The following PRKAG2 variants were observed in gnomAD, a reference collection of about 807,000 sequenced individuals.
PRKAG2 encodes 5'-AMP-activated protein kinase subunit gamma-2.
Under a neutral mutation model 69.6 loss-of-function variants are expected in PRKAG2, and 26 were observed. That is an observed-to-expected ratio of 0.37 (90% CI 0.27 to 0.52). The LOEUF is 0.52. Among genes scored for constraint, PRKAG2 ranks in the 20% least tolerant of loss-of-function variants. PRKAG2 has a pLI of 0.90. For missense variants in PRKAG2, 557 were observed against 740.0 expected, an observed-to-expected ratio of 0.75 and a Z score of 2.87; for synonymous variants, 293 against 285.0, an observed-to-expected ratio of 1.03 and a Z score of -0.28.
intron 3 of PRKAG2, among the ~76,000 whole-genome samples, chr7:151,689,245 G>A (rs1459291737): frequency 1.3e-5 from 2 of 152,160 alleles, no homozygotes; most frequent in East Asian, 3.9e-4. Context: ...GGGGGCTCCA[G>A]TGGCCTCCCA....
chr7:151,670,152 C>T (rs142090203), intron 4 of PRKAG2, among the ~76,000 whole-genome samples: 108 of 151,922 alleles, frequency 7.1e-4, no homozygotes, highest in African/African-American at 2.6e-3. Flanking sequence ...GTGCACACAC[C>T]TGCATGCATG....
At chr7:151,695,841 AACTAATC>A (rs912735421) in intron 3 of PRKAG2, among the ~76,000 whole-genome samples, 2 of 151,592 alleles carry the variant, frequency 1.3e-5, no homozygotes, top group African/African-American at 4.9e-5. Context: ...CAGACCTTTG[AACTAATC>A]ACTCTTGGTG....
chr7:151,825,672 C>T (rs2078890200), intron 1 of PRKAG2, among the ~76,000 whole-genome samples: 1 of 152,240 alleles, frequency 6.6e-6, no homozygotes, highest in South Asian at 2.1e-4. Context: ...ACTTCCTGCC[C>T]TGTTTGTCTC....
At chr7:151,844,655 A>G (rs141332139) in intron 1 of PRKAG2, among the ~76,000 whole-genome samples, 1 of 152,354 alleles carries the variant, frequency 6.6e-6, no homozygotes, top group East Asian at 1.9e-4. Flanking sequence ...TTCTATCGTG[A>G]GTCATGGTCC....
intron 4 of PRKAG2, among the ~76,000 whole-genome samples, chr7:151,642,028 TAAAA>T (rs759629976): frequency 2.1e-5 from 2 of 95,018 alleles, no homozygotes; most frequent in African/African-American, 4.1e-5. Flanking sequence ...ACCCCATCTT[TAAAA>T]AAAAAAAAAA....
intron 1 of PRKAG2, among the ~76,000 whole-genome samples, chr7:151,805,936 C>T (rs368031034): frequency 5.3e-5 from 8 of 152,348 alleles, no homozygotes; most frequent in Non-Finnish European, 8.8e-5. Flanking sequence ...CAGTGGCTCA[C>T]GCCTATAGTC....
At chr7:151,755,958 G>A (rs972610232) in intron 3 of PRKAG2, among the ~76,000 whole-genome samples, 7 of 152,136 alleles carry the variant, frequency 4.6e-5, no homozygotes, top group East Asian at 1.9e-4. Context: ...AGGAGGCTGC[G>A]GGGCCCTCCC....
At chr7:151,637,522 T>C (rs1014578527) in intron 4 of PRKAG2, among the ~76,000 whole-genome samples, 3 of 152,202 alleles carry the variant, frequency 2.0e-5, no homozygotes, top group Non-Finnish European at 4.4e-5. Context: ...TTCTAACAAT[T>C]AATGTTTTAT....
At chr7:151,660,980 C>T (rs1355856418) in intron 4 of PRKAG2, among the ~76,000 whole-genome samples, 1 of 152,230 alleles carries the variant, frequency 6.6e-6, no homozygotes, top group African/African-American at 2.4e-5. Flanking sequence ...CATGCTCACA[C>T]TGTGGTGTAA....
intron 3 of PRKAG2, among the ~76,000 whole-genome samples, chr7:151,683,055 G>A (rs972785482): frequency 5.3e-5 from 8 of 152,226 alleles, no homozygotes; most frequent in South Asian, 2.1e-4. Flanking sequence ...TGTTTAGGAC[G>A]CCGCCAGCCT....
intron 1 of PRKAG2, among the ~76,000 whole-genome samples, chr7:151,796,460 T>C (rs1265953732): frequency 6.6e-6 from 1 of 152,144 alleles, no homozygotes; most frequent in Non-Finnish European, 1.5e-5. Flanking sequence ...TGAAGGGCAA[T>C]CACAGGTTTA....
At chr7:151,691,773 TAA>T (rs1835704114) in intron 3 of PRKAG2, among the ~76,000 whole-genome samples, 1 of 152,220 alleles carries the variant, frequency 6.6e-6, no homozygotes, top group South Asian at 2.1e-4. Context: ...CTTCTGTAGT[TAA>T]ACATACATTT....
At chr7:151,724,135 G>C (rs1439381036) in intron 3 of PRKAG2, among the ~76,000 whole-genome samples, 4 of 152,152 alleles carry the variant, frequency 2.6e-5, no homozygotes, top group Non-Finnish European at 1.5e-5. Flanking sequence ...GGTCCGGGGG[G>C]TGCTGGTGGG....
At position 151,608,482 on chromosome 7, in the gene PRKAG2, G is replaced by A. The variant is rs545560354; in HGVS notation, c.755-13028C>T. ...TGTTCTTCCCTTAGACATGCGCACC[G>A]GGGGGCAGCAGTGGACGTCCCTTGC... On this transcript the variant is annotated intron_variant, in intron 5 of 15. Coordinates refer to ENST00000287878, the MANE Select transcript of PRKAG2 (RefSeq NM_016203.4). 5.9e-5 allele frequency among the ~76,000 whole-genome samples: 9 copies of A among 152,194 alleles called. No individual in the cohort carries two copies. The South Asian group carries it at 1.0e-3, about 18-fold the overall frequency.
rs187491328 is a variant in PRKAG2 at position 151,676,552 on chromosome 7, T to G, written c.467-915A>C. Reference sequence around the variant, plus strand: ...TTAAAGGTTCTCCACTTTGACTTATTTCTAACTAACAGAAACAACTCTATT... The same window carrying G: ...TTAAAGGTTCTCCACTTTGACTTATGTCTAACTAACAGAAACAACTCTATT... On this transcript the variant is annotated intron_variant, in intron 3 of 15. Transcript: ENST00000287878. Among the ~76,000 whole-genome samples, 249 of 152,314 alleles carry G rather than the reference T, an allele frequency of 1.6e-3. 2 individuals are homozygous for G. The Middle Eastern group carries it at 0.017, about 10-fold the overall frequency.
intron 4 of PRKAG2, among the ~76,000 whole-genome samples, chr7:151,669,966 G>GCACACA (rs141754917): frequency 2.4e-5 from 3 of 122,528 alleles, no homozygotes; most frequent in African/African-American, 9.5e-5. Flanking sequence ...TCACACACCT[G>GCACACA]CACACACCTG....
At chr7:151,646,821 TCTG>T (rs1827648095) in intron 4 of PRKAG2, among the ~76,000 whole-genome samples, 1 of 152,224 alleles carries the variant, frequency 6.6e-6, no homozygotes, top group Admixed American at 6.5e-5. Flanking sequence ...TAGATGGATA[TCTG>T]CTGCTTTCAG....
At chr7:151,865,794 C>T (rs981473188) in intron 1 of PRKAG2, among the ~76,000 whole-genome samples, 20 of 152,158 alleles carry the variant, frequency 1.3e-4, no homozygotes, top group African/African-American at 3.6e-4. Flanking sequence ...CCAAGGCGGG[C>T]GGATCATGAG....
rs1265517434 is a variant in PRKAG2, at chr7:151,835,314, G to C, written c.114+41193C>G. On this transcript the variant is annotated intron_variant, in intron 1 of 15. Coordinates refer to ENST00000287878, the MANE Select transcript of PRKAG2 (RefSeq NM_016203.4). The surrounding 1 kb of genome is among the most constrained non-coding windows in gnomAD (Gnocchi z 4.1). ...GCTCACTGCAGCCTTGACCTCCTGG[G>C]CTCAAGTGATCCTCCAGGTAATATT... 6.6e-6 allele frequency among the ~76,000 whole-genome samples: 1 copy of C among 152,008 alleles called. No homozygotes were observed. Among genetic ancestry groups the C allele is most frequent in the Non-Finnish European group, 1.5e-5 (1 of 67,988 alleles).
Sources: gnomAD v4.1 joint callset for allele counts (sites outside exome capture counted in the v4.1 genomes callset) on GRCh38, gnomAD v4.1.1 for gene constraint, Gnocchi (gnomAD v3.1) non-coding constraint, MANE v1.5 for transcripts, NCBI Gene and HGNC (gene_info 2026-07-23, HGNC 2026-07-21) for gene names.